The following DAPK3 variants were observed in gnomAD, a reference collection of about 807,000 sequenced individuals.
The protein encoded by DAPK3 is death-associated protein kinase 3.
Under a neutral mutation model 30.6 loss-of-function variants are expected in DAPK3, and 24 were observed. That is an observed-to-expected ratio of 0.78 (90% CI 0.57 to 1.10). DAPK3 has a LOEUF of 1.10. Among genes scored for constraint, DAPK3 ranks in the 50% least tolerant of loss-of-function variants. DAPK3 has a pLI of 0.00. For synonymous variants in DAPK3, 341 were observed against 284.0 expected (o/e 1.20, Z -2.02); for missense variants, 629 against 657.3 (o/e 0.96, Z 0.47).
chr19:3,969,377 A>T lies in DAPK3; in HGVS notation c.62+297T>A, dbSNP rs534457892. On this transcript the variant is annotated intron_variant, in intron 2 of 8. Transcript: ENST00000545797. ...GCCCAGGCAGAAGACACATCTTTTAATAACAAAAGCAGCTGGCATCTGTTG... is the reference window on the plus strand; with the variant it reads ...GCCCAGGCAGAAGACACATCTTTTATTAACAAAAGCAGCTGGCATCTGTTG... 2.0e-4 allele frequency among the ~76,000 whole-genome samples: 30 copies of T among 152,200 alleles called. No individual in the cohort carries two copies. In the South Asian group the frequency reaches 6.2e-3, roughly 32 times the overall value.
chr19:3,959,212 G>C lies in DAPK3; in HGVS notation c.1254C>G (p.Asn418Lys). 1 of 1,600,828 alleles carries C rather than the reference G, an allele frequency of 6.2e-7. No individual in the cohort carries two copies. ...CTTGCTTGGCCAGCGCCTCGTAGCGGTTCTCCAGGCGGCTGAAGCGGCGCT... is the reference window on the plus strand; with the variant it reads ...CTTGCTTGGCCAGCGCCTCGTAGCGCTTCTCCAGGCGGCTGAAGCGGCGCT... Reference protein sequence around the residue: ...GLKRRFSRLENRYEALAKQVA... With the variant: ...GLKRRFSRLEKRYEALAKQVA... Residue 418 changes from asparagine (N) to lysine (K), a missense_variant, in exon 9 of 9, where the codon AAC becomes AAG. Physicochemically the swap from Asn to Lys is moderately conservative, Grantham distance 94. Around this residue, in one of 2 missense-constraint regions of DAPK3, gnomAD observed 323 missense variants for 278.8 expected, o/e 1.16. Coordinates refer to ENST00000545797, the MANE Select transcript of DAPK3 (RefSeq NM_001348.3).
rs76018084 is a variant in DAPK3 at position 3,968,694 on chromosome 19, T to C, written c.62+980A>G. Among the ~76,000 whole-genome samples the C allele has an allele frequency of 7.7e-3, 1,170 of 152,286 alleles. 19 individuals are homozygous for C. The highest frequency in any genetic ancestry group is 0.027 in the African/African-American group (1,117 of 41,562). ...TGAGAAGGGGGAGGAGGGAGCATGC[T>C]TTCTCTGCCACTAACGAGGAAATTC... On this transcript the variant is annotated intron_variant, in intron 2 of 8. Coordinates refer to ENST00000545797, the MANE Select transcript of DAPK3 (RefSeq NM_001348.3).
At chr19:3,967,005 A>G (rs2039584542) in intron 2 of DAPK3, among the ~76,000 whole-genome samples, 1 of 152,232 alleles carries the variant, frequency 6.6e-6, no homozygotes, top group African/African-American at 2.4e-5. Flanking sequence ...CCCAGCCCCC[A>G]GCGCAGGTGG....
intron 2 of DAPK3, 58 bp downstream of exon 2, chr19:3,969,616 A>G (rs991758188): frequency 9.2e-7 from 1 of 1,083,854 alleles, no homozygotes; most frequent in Non-Finnish European, 1.4e-6. Flanking sequence ...CTGTTCAGAA[A>G]ACCCCACAGC....
At chr19:3,962,217 C>T (rs2039524215) in intron 6 of DAPK3, among the ~76,000 whole-genome samples, 3 of 152,136 alleles carry the variant, frequency 2.0e-5, no homozygotes, top group African/African-American at 2.4e-5. Context: ...TCATAACGTT[C>T]GTGTTCATGA....
At chr19:3,967,172 C>T (rs1429157102) in intron 2 of DAPK3, among the ~76,000 whole-genome samples, 1 of 152,222 alleles carries the variant, frequency 6.6e-6, no homozygotes, top group Non-Finnish European at 1.5e-5. Flanking sequence ...GCTGGGAAGC[C>T]GGGCACAGTG....
In DAPK3 at chr19:3,969,825, C is replaced by T; in HGVS notation, c.-90G>A. On this transcript the variant is annotated 5_prime_UTR_variant, in exon 2 of 9. Transcript: ENST00000545797. ...TAGGACCTCAGGAGTCCCCTAATGG[C>T]AACCCTGGAGAAGACAGGGAAAGAC... is the stretch of plus-strand genomic sequence containing the variant. The T allele has an allele frequency of 2.3e-6, 2 of 855,992 alleles. No individual in the cohort carries two copies. Among genetic ancestry groups the T allele is most frequent in the Non-Finnish European group, 3.9e-6 (2 of 508,812 alleles). The allele number at this position is 855,992 out of a possible 1,614,324, so 53.0% of individuals were successfully genotyped here.
chr19:3,967,163 C>T (rs1299908046), intron 2 of DAPK3, among the ~76,000 whole-genome samples: 1 of 152,218 alleles, frequency 6.6e-6, no homozygotes, highest in Non-Finnish European at 1.5e-5. Context: ...AAAATGCGGG[C>T]TGGGAAGCCG....
At chr19:3,964,108 C>A in intron 4 of DAPK3, 136 bp downstream of exon 4, 1 of 906,878 alleles carries the variant, frequency 1.1e-6, no homozygotes, top group Non-Finnish European at 1.7e-6. Flanking sequence ...AGACCTCCCG[C>A]AAAGCCGGGC....
intron 8 of DAPK3, 147 bp from the exon 9 acceptor site, chr19:3,959,784 C>T (rs1034272482): frequency 1.1e-6 from 1 of 951,864 alleles, no homozygotes; most frequent in Admixed American, 2.9e-5. Context: ...CGACGCAAAG[C>T]CGAGAGTGCT....
In DAPK3 at chr19:3,970,697, C is replaced by T. The variant is rs376489516; in HGVS notation, c.-95+224G>A. The T allele has an allele frequency of 9.2e-4, 141 of 153,034 alleles. 3 individuals carry two copies. The highest frequency in any genetic ancestry group is 3.3e-3 in the African/African-American group (135 of 41,526). 9.5% of individuals were successfully genotyped at this position (153,034 alleles called of 1,614,324 possible). On this transcript the variant is annotated intron_variant, in intron 1 of 8. Transcript: ENST00000545797. ...CCCAAAACGGGCCGCCAAAAAGGGC[C>T]CCATCTGAGTCTCCTCCACCGTCCT...
intron 3 of DAPK3, 58 bp from the exon 4 acceptor site, chr19:3,964,431 C>T (rs1418690147): frequency 1.2e-5 from 17 of 1,415,086 alleles, no homozygotes; most frequent in African/African-American, 1.5e-5. Context: ...CTCACCCCCA[C>T]GCTCCCCAAA....
At chr19:3,961,626 A>G in intron 6 of DAPK3, 1 of 426,332 alleles carries the variant, frequency 2.3e-6, no homozygotes, top group Non-Finnish European at 4.9e-6. Flanking sequence ...GAGACACTGA[A>G]GCCCCGTCTG....
chr19:3,959,123 C>A lies in DAPK3; in HGVS notation c.1343G>T (p.Gly448Val). Residue 448 changes from glycine (G) to valine (V), a missense_variant, in exon 9 of 9, where the codon GGC becomes GTC. This residue lies in a region of DAPK3 where 323 missense variants were observed against 278.8 expected (regional missense o/e 1.16). Transcript: ENST00000545797. ...CGCCTAGCGCAGCCCGCACTCCACG[C>A]CCTGCAGCTTCTCCTGCTCCAGGGC... ...VRALEQEKLQ[G>V]VECGLR 1.3e-6 allele frequency: 2 copies of A among 1,568,762 alleles called. No individual in the cohort carries two copies. Among genetic ancestry groups the A allele is most frequent in the East Asian group, 2.3e-5 (1 of 43,602 alleles).
chr19:3,959,997 C>A lies in DAPK3; in HGVS notation c.828+62G>T, dbSNP rs746761839. On this transcript the variant is annotated intron_variant, in intron 8 of 8. Transcript: ENST00000545797. Reference sequence around the variant, plus strand: ...CAAGCCTTAAATGCTGAAGGCCCCCCGGGACCCCAGCGAGAAGGCCAAGGC... The same window carrying A: ...CAAGCCTTAAATGCTGAAGGCCCCCAGGGACCCCAGCGAGAAGGCCAAGGC... 9.6e-6 allele frequency: 9 copies of A among 935,660 alleles called. No homozygotes were observed. In the African/African-American group the frequency reaches 9.7e-5, roughly 10 times the overall value. The allele number at this position is 935,660 out of a possible 1,614,324, so 58.0% of individuals were successfully genotyped here. A position where few individuals can be genotyped will look rare whatever the true frequency, so the allele number is the denominator to read the frequency against.
In DAPK3 at chr19:3,958,592, G is replaced by A. The variant is rs763582049; in HGVS notation, c.*509C>T. 76 of 445,022 alleles carry A rather than the reference G, an allele frequency of 1.7e-4. 3 individuals are homozygous for A. Among genetic ancestry groups the A allele is most frequent in the South Asian group, 1.1e-3 (68 of 62,126 alleles). 27.6% of individuals were successfully genotyped at this position (445,022 alleles called of 1,614,324 possible). ...CGGGGGACCGGCCTCGGCGAGAAGG[G>A]CACACAGTGGAAGACCCCACCAAGC... On this transcript the variant is annotated 3_prime_UTR_variant, in exon 9 of 9. Transcript: ENST00000545797.
At chr19:3,959,896 G>A (rs1171779712) in intron 8 of DAPK3, 163 bp downstream of exon 8, 7 of 658,804 alleles carry the variant, frequency 1.1e-5, no homozygotes, top group East Asian at 8.1e-5. Flanking sequence ...GACATCCCAC[G>A]CCCAGGACCC....
At chr19:3,963,056 G>T (rs2039535463) in intron 6 of DAPK3, among the ~76,000 whole-genome samples, 1 of 151,402 alleles carries the variant, frequency 6.6e-6, no homozygotes, top group African/African-American at 2.4e-5. Flanking sequence ...GAGCAGCTGA[G>T]ATCGCACCAC....
rs1360892164 is a variant in DAPK3 at position 3,964,300 on chromosome 19, T to C, written c.497A>G (p.His166Arg). 3.1e-6 allele frequency: 5 copies of C among 1,613,632 alleles called. No homozygotes were observed. The highest frequency in any genetic ancestry group is 1.3e-5 in the African/African-American group (1 of 75,024). Residue 166 changes from histidine to arginine, a missense_variant, in exon 4 of 9, where the codon CAC (histidine) becomes CGC (arginine). This residue lies in a region of DAPK3 where 306 missense variants were observed against 378.5 expected (regional missense o/e 0.81). Transcript: ENST00000545797. The stretch of plus-strand genomic sequence containing the variant: ...GAACTCGTTCCCCGCCTCGATCTTG[T>C]GCGCGATGCCGAAGTCGATGAGCTT... The part of the protein sequence containing the change: ...RIKLIDFGIA[H>R]KIEAGNEFKN...
Sources: gnomAD v4.1 joint callset for allele counts (sites outside exome capture counted in the v4.1 genomes callset) on GRCh38, gnomAD v4.1.1 for gene constraint, gnomAD v4.1.1 regional missense constraint, MANE v1.5 for transcripts, NCBI Gene and HGNC (gene_info 2026-07-23, HGNC 2026-07-21) for gene names.